The following SLC60A1 variants were observed in gnomAD, a reference collection of about 807,000 sequenced individuals.
SLC60A1 encodes the protein solute carrier family 60 member 1, also known as major facilitator superfamily domain containing 4.
At chr1:205,579,399 G>C in the SLC60A1 span, 4 of 499,162 alleles carry the variant, frequency 8.0e-6, no homozygotes, top group South Asian at 1.2e-4. Flanking sequence ...CATGCCTCTT[G>C]AGATGCTCAA....
chr1:205,579,541 C>T, the SLC60A1 span: 4 of 610,896 alleles, frequency 6.5e-6, no homozygotes, highest in Non-Finnish European at 1.2e-5. Flanking sequence ...GTGAAGTGTC[C>T]TGCAGCCACC....
chr1:205,602,915 CT>C, the SLC60A1 span: 2 of 152,064 alleles, frequency 1.3e-5, no homozygotes, highest in Admixed American at 1.3e-4. Flanking sequence ...AATATTTAAA[CT>C]TATTAAGTGT....
chr1:205,601,635 A>T, the SLC60A1 span: 1 of 152,240 alleles, frequency 6.6e-6, no homozygotes, highest in South Asian at 2.1e-4. Flanking sequence ...CCAGGCTGGA[A>T]TGCAGTGGCG....
the SLC60A1 span, among the ~76,000 whole-genome samples, chr1:205,577,749 G>C: frequency 6.6e-6 from 1 of 152,024 alleles, no homozygotes; most frequent in East Asian, 1.9e-4. The surrounding 1 kb of genome is among the most constrained non-coding windows in gnomAD (Gnocchi z 5.2). Flanking sequence ...ACATGTGCAC[G>C]CACACACACT....
At chr1:205,599,104 G>C in the SLC60A1 span, 13 of 1,612,836 alleles carry the variant, frequency 8.1e-6, no homozygotes, top group Non-Finnish European at 1.1e-5. Context: ...TTAATTGTCT[G>C]TCTCTCTGTG....
the SLC60A1 span, chr1:205,579,872 G>T: frequency 6.2e-7 from 1 of 1,614,154 alleles, no homozygotes; most frequent in Non-Finnish European, 8.5e-7. Flanking sequence ...GGCGGGCTTG[G>T]CCATGGGCTG....
the SLC60A1 span, among the ~76,000 whole-genome samples, chr1:205,592,832 T>C: frequency 2.0e-5 from 3 of 152,228 alleles, no homozygotes; most frequent in Non-Finnish European, 4.4e-5. Context: ...TTGTGCGATA[T>C]GGATGTGCTG....
chr1:205,571,683 G>C, the SLC60A1 span, among the ~76,000 whole-genome samples: 13 of 152,180 alleles, frequency 8.5e-5, no homozygotes, highest in African/African-American at 3.1e-4. Context: ...ACTCTGGGCA[G>C]CTCTCATCAC....
chr1:205,585,634 C>A, the SLC60A1 span, among the ~76,000 whole-genome samples: 2 of 151,592 alleles, frequency 1.3e-5, no homozygotes, highest in African/African-American at 4.8e-5. The surrounding 1 kb of genome is among the most constrained non-coding windows in gnomAD (Gnocchi z 4.2). Context: ...TGACCTCGGG[C>A]AAGTCACTTC....
chr1:205,572,318 G>A, the SLC60A1 span, among the ~76,000 whole-genome samples: 11 of 152,076 alleles, frequency 7.2e-5, no homozygotes, highest in African/African-American at 1.7e-4. Flanking sequence ...TCTCGAAGGC[G>A]TCAGCATAGG....
chr1:205,573,147 A>G, the SLC60A1 span, among the ~76,000 whole-genome samples: 1 of 151,920 alleles, frequency 6.6e-6, no homozygotes, highest in Non-Finnish European at 1.5e-5. Context: ...ACATTGGCTC[A>G]CTCCTATGAT....
chr1:205,569,182 C>T, the SLC60A1 span: 3 of 1,545,048 alleles, frequency 1.9e-6, no homozygotes, highest in Middle Eastern at 1.7e-4. Flanking sequence ...CTGGGGCCCA[C>T]GCTGCTGGAC....
the SLC60A1 span, among the ~76,000 whole-genome samples, chr1:205,597,388 T>G: frequency 3.8e-4 from 55 of 146,380 alleles, no homozygotes; most frequent in African/African-American, 9.7e-4. Flanking sequence ...TTTTTTTTTT[T>G]TTTTTTTTTT....
At chr1:205,597,642 C>A in the SLC60A1 span, 1 of 777,070 alleles carries the variant, frequency 1.3e-6, no homozygotes, top group South Asian at 1.6e-5. Flanking sequence ...GAGATCCTCC[C>A]ACTTCTGACT....
At chr1:205,574,386 G>A in the SLC60A1 span, among the ~76,000 whole-genome samples, 7 of 152,180 alleles carry the variant, frequency 4.6e-5, no homozygotes, top group South Asian at 6.2e-4. Flanking sequence ...TGAGGCTGTC[G>A]TGAGCCATGA....
the SLC60A1 span, among the ~76,000 whole-genome samples, chr1:205,589,052 G>C: frequency 6.6e-6 from 1 of 152,212 alleles, no homozygotes; most frequent in Non-Finnish European, 1.5e-5. Flanking sequence ...TAAGACTCGG[G>C]TGTCTTTCAA....
chr1:205,569,596 C>T, the SLC60A1 span, among the ~76,000 whole-genome samples: 10 of 152,024 alleles, frequency 6.6e-5, no homozygotes, highest in South Asian at 1.9e-3. Context: ...AACCAGTTCC[C>T]ACCTGCTTCC....
At chr1:205,588,888 C>T in the SLC60A1 span, among the ~76,000 whole-genome samples, 1 of 148,786 alleles carries the variant, frequency 6.7e-6, no homozygotes, top group Non-Finnish European at 1.5e-5. Flanking sequence ...GGCAGTGTGC[C>T]CCAGCACAGA....
the SLC60A1 span, chr1:205,580,577 C>A: frequency 6.5e-7 from 1 of 1,527,646 alleles, no homozygotes; most frequent in Non-Finnish European, 8.9e-7. This position sits in a 1 kb window ranked among gnomAD's most constrained non-coding sequence, Gnocchi z 5.0. Context: ...CAGTGTGGGT[C>A]CTCTGGACCG....
Sources: allele counts gnomAD v4.1 joint callset (sites outside exome capture counted in the v4.1 genomes callset), GRCh38; gene constraint gnomAD v4.1.1; non-coding constraint Gnocchi (gnomAD v3.1); transcripts MANE v1.5; gene names NCBI Gene and HGNC (gene_info 2026-07-23, HGNC 2026-07-21).